NEGR1: variants seen among roughly 807,000 people sequenced by gnomAD.
NEGR1 encodes the protein neuronal growth regulator 1, also known as IgLON family member 4.
Under a neutral mutation model 40.9 loss-of-function variants are expected in NEGR1, and 10 were observed. The observed-to-expected ratio is 0.24, with a 90% CI of 0.15 to 0.42. The LOEUF (loss-of-function observed/expected upper bound fraction) is 0.42, where lower values mean the gene tolerates loss of function less well. NEGR1 is among the 10% of genes least tolerant of loss of function. NEGR1 has a pLI of 1.00. For missense variants in NEGR1, 352 were observed against 438.9 expected (o/e 0.80, Z 1.77); for synonymous variants, 185 against 166.8 (o/e 1.11, Z -0.84).
chr1:71,844,321 A>G (rs1306896285), intron 2 of NEGR1, among the ~76,000 whole-genome samples: 3 of 152,180 alleles, frequency 2.0e-5, no homozygotes, highest in Non-Finnish European at 4.4e-5. Context: ...GAATCACACC[A>G]TAGTGTCCAA....
intron 2 of NEGR1, among the ~76,000 whole-genome samples, chr1:71,922,391 G>A (rs1458270341): frequency 1.3e-5 from 2 of 152,292 alleles, no homozygotes; most frequent in Non-Finnish European, 1.5e-5. Context: ...AGCAAGAGAG[G>A]TGCAGAGAAT....
intron 1 of NEGR1, among the ~76,000 whole-genome samples, chr1:71,941,478 A>C (rs920711912): frequency 3.3e-5 from 5 of 152,136 alleles, no homozygotes; most frequent in African/African-American, 1.2e-4. Flanking sequence ...TATGATTGAC[A>C]ATATTTAAAA....
At chr1:72,089,658 A>G (rs1648384773) in intron 1 of NEGR1, among the ~76,000 whole-genome samples, 1 of 152,142 alleles carries the variant, frequency 6.6e-6, no homozygotes, top group African/African-American at 2.4e-5. Flanking sequence ...CAATGATAAC[A>G]TCAATAACTT....
At chr1:71,988,757 G>A (rs1646424784) in intron 1 of NEGR1, among the ~76,000 whole-genome samples, 2 of 151,604 alleles carry the variant, frequency 1.3e-5, no homozygotes, top group South Asian at 4.2e-4. Context: ...AGAACCACAT[G>A]ACTAGAGAAA....
chr1:71,682,155 C>G (rs553994122), intron 4 of NEGR1, among the ~76,000 whole-genome samples: 1 of 152,096 alleles, frequency 6.6e-6, no homozygotes, highest in Non-Finnish European at 1.5e-5. Context: ...TAATATCCAT[C>G]TTCCAATTTG....
chr1:71,470,514 A>T (rs1202433711), intron 6 of NEGR1, among the ~76,000 whole-genome samples: 1 of 152,144 alleles, frequency 6.6e-6, no homozygotes, highest in Non-Finnish European at 1.5e-5. Context: ...GAGAGAATGT[A>T]ACTTAAGGAT....
chr1:71,577,977 A>T (rs1649016230), intron 6 of NEGR1, among the ~76,000 whole-genome samples: 1 of 152,082 alleles, frequency 6.6e-6, no homozygotes, highest in Non-Finnish European at 1.5e-5. Flanking sequence ...CTGTATCAAG[A>T]TATAGCAGTG....
intron 1 of NEGR1, among the ~76,000 whole-genome samples, chr1:72,257,236 G>GGCGT (rs1435856201): frequency 1.3e-5 from 2 of 148,986 alleles, no homozygotes; most frequent in African/African-American, 5.0e-5. Flanking sequence ...GCAGGAGAAT[G>GGCGT]GCGTGAACCC....
At chr1:71,558,669 C>A (rs1476365362) in intron 6 of NEGR1, among the ~76,000 whole-genome samples, 1 of 148,430 alleles carries the variant, frequency 6.7e-6, no homozygotes, top group Non-Finnish European at 1.5e-5. Context: ...ACCTGGAGGT[C>A]TTTAGATTGT....
chr1:71,861,956 T>G (rs1403264835), intron 2 of NEGR1, among the ~76,000 whole-genome samples: 1 of 152,108 alleles, frequency 6.6e-6, no homozygotes, highest in East Asian at 1.9e-4. Context: ...CATTATATAC[T>G]TTTTGCACAC....
rs561019855 is a variant in NEGR1, at chr1:71,930,200, A to G, written c.409+4879T>C. 4.6e-5 allele frequency among the ~76,000 whole-genome samples: 7 copies of G among 152,226 alleles called. No individual in the cohort carries two copies. In the South Asian group the frequency reaches 1.4e-3, roughly 32 times the overall value. ...TCTTCAGGTTATATTGAAAGCTGTT[A>G]TAAGTAAAAGCCTTATGAATGAATG... On this transcript the variant is annotated intron_variant, in intron 2 of 6. Coordinates refer to ENST00000357731, the MANE Select transcript of NEGR1 (RefSeq NM_173808.3).
At chr1:71,410,740 G>A (rs903606877) in intron 6 of NEGR1, among the ~76,000 whole-genome samples, 1 of 152,132 alleles carries the variant, frequency 6.6e-6, no homozygotes, top group African/African-American at 2.4e-5. Flanking sequence ...TTGTGTGTGT[G>A]TATATGACTG....
At chr1:72,254,728 TTTA>T (rs1015967406) in intron 1 of NEGR1, among the ~76,000 whole-genome samples, 2 of 151,782 alleles carry the variant, frequency 1.3e-5, no homozygotes, top group Non-Finnish European at 2.9e-5. Context: ...AAGCATTTTA[TTTA>T]TTATATGGTT....
At chr1:71,976,487 C>A (rs1646305057) in intron 1 of NEGR1, among the ~76,000 whole-genome samples, 1 of 152,144 alleles carries the variant, frequency 6.6e-6, no homozygotes, top group South Asian at 2.1e-4. Flanking sequence ...GTTTCCATTC[C>A]ATTTATTTTT....
At chr1:71,637,057 C>T (rs1305407426) in intron 4 of NEGR1, among the ~76,000 whole-genome samples, 2 of 151,878 alleles carry the variant, frequency 1.3e-5, no homozygotes, top group Non-Finnish European at 2.9e-5. Context: ...CTAGTTCTCC[C>T]GTTTTAAGGT....
intron 2 of NEGR1, among the ~76,000 whole-genome samples, chr1:71,872,506 A>G (rs1660307989): frequency 6.6e-6 from 1 of 152,152 alleles, no homozygotes; most frequent in Non-Finnish European, 1.5e-5. Context: ...GAGAGCTTCT[A>G]AAGTGCTCTC....
intron 1 of NEGR1, among the ~76,000 whole-genome samples, chr1:72,171,246 G>C (rs1645719808): frequency 6.6e-6 from 1 of 152,116 alleles, no homozygotes; most frequent in South Asian, 2.1e-4. Context: ...TCTAACAGTA[G>C]CTATAAATAT....
chr1:71,730,675 A>G lies in NEGR1; in HGVS notation c.536-32536T>C, dbSNP rs548688680. Among the ~76,000 whole-genome samples, 5 of 150,822 alleles carry G rather than the reference A, an allele frequency of 3.3e-5. No individual in the cohort carries two copies. The East Asian group carries it at 9.8e-4, about 29-fold the overall frequency. ...TTTAAATTCACTTCCACATTTTCCA[A>G]AATAGTATCAAACAGACTATTACCT... On this transcript the variant is annotated intron_variant, in intron 3 of 6. Transcript: ENST00000357731.
chr1:71,843,807 C>T (rs1229986663), intron 2 of NEGR1, among the ~76,000 whole-genome samples: 2 of 152,110 alleles, frequency 1.3e-5, no homozygotes, highest in African/African-American at 2.4e-5. Flanking sequence ...ATTAAAAAGG[C>T]ATGAGATTCA....
Sources: gnomAD v4.1 joint callset for allele counts (sites outside exome capture counted in the v4.1 genomes callset) on GRCh38, gnomAD v4.1.1 for gene constraint, MANE v1.5 for transcripts, NCBI Gene and HGNC (gene_info 2026-07-23, HGNC 2026-07-21) for gene names.